Variants in SLIT3 observed in about 807,000 individuals in gnomAD.
SLIT3 encodes slit homolog 3 protein.
A neutral mutation model predicts 184.0 loss-of-function variants in SLIT3; 68 were observed. The ratio of observed to expected loss-of-function variants is 0.37; its 90% CI spans 0.30 to 0.45. SLIT3 has a LOEUF of 0.45. SLIT3 is among the 20% of genes least tolerant of loss of function. The pLI is 1.00. For missense variants in SLIT3, 1,707 were observed against 2,026.0 expected (o/e 0.84, Z 3.02); for synonymous variants, 831 against 828.6 (o/e 1.00, Z -0.05).
At chr5:168,724,306 T>C in intron 21 of SLIT3, 110 bp downstream of exon 21, 2 of 737,136 alleles carry the variant, frequency 2.7e-6, no homozygotes, top group Non-Finnish European at 4.2e-6. Context: ...CATCTTTCAA[T>C]TACCACTTGC....
intron 6 of SLIT3, among the ~76,000 whole-genome samples, chr5:168,824,052 G>A (rs1757622507): frequency 6.6e-6 from 1 of 152,192 alleles, no homozygotes; most frequent in Non-Finnish European, 1.5e-5. Flanking sequence ...GAGTTCAAGC[G>A]ATTCTCCTGC....
At position 168,666,516 on chromosome 5, in the gene SLIT3, C is replaced by T. The variant is rs760876029; in HGVS notation, c.4510G>A (p.Gly1504Ser). The T allele has an allele frequency of 1.2e-5, 20 of 1,610,080 alleles. No individual in the cohort carries two copies. The highest frequency in any genetic ancestry group is 2.0e-4 in the Middle Eastern group (1 of 5,114). Residue 1504 changes from glycine (G) to serine (S), a missense_variant, in exon 36 of 36, where the codon GGC becomes AGC. Transcript: ENST00000519560. Reference protein sequence around the residue: ...RRKYVFQCTDGSSFVEEVERH... With the variant: ...RRKYVFQCTDSSSFVEEVERH... ...TCCACCTCTTCTACAAACGAGGAGC[C>T]GTCCGTGCACTGGAAGACGTATTTC...
At chr5:168,796,951 G>A (rs1756582981) in intron 9 of SLIT3, among the ~76,000 whole-genome samples, 1 of 151,750 alleles carries the variant, frequency 6.6e-6, no homozygotes. Flanking sequence ...AGGCGGGTGA[G>A]AGGAGAGAGG....
intron 5 of SLIT3, among the ~76,000 whole-genome samples, chr5:168,872,400 T>C (rs1270050760): frequency 1.3e-5 from 2 of 152,102 alleles, no homozygotes; most frequent in Non-Finnish European, 2.9e-5. Context: ...CTAGGGACTT[T>C]AGTTAGTAAT....
intron 5 of SLIT3, among the ~76,000 whole-genome samples, chr5:168,856,340 G>T (rs997598061): frequency 6.6e-6 from 1 of 152,130 alleles, no homozygotes; most frequent in Non-Finnish European, 1.5e-5. Flanking sequence ...TGAAAGGTAG[G>T]GAAGCCTAGG....
intron 12 of SLIT3, among the ~76,000 whole-genome samples, chr5:168,779,114 C>G (rs1413440384): frequency 1.3e-5 from 2 of 152,238 alleles, no homozygotes; most frequent in Non-Finnish European, 2.9e-5. Flanking sequence ...CCCATTTAAT[C>G]TCCCTTTGAC....
chr5:168,724,586 T>C, intron 20 of SLIT3, 102 bp from the exon 21 acceptor site: 1 of 756,652 alleles, frequency 1.3e-6, no homozygotes, highest in Admixed American at 2.6e-5. Flanking sequence ...ATTAGGTCCC[T>C]CTTTTACTCT....
At chr5:168,775,779 G>A (rs1395796640) in intron 12 of SLIT3, among the ~76,000 whole-genome samples, 1 of 152,142 alleles carries the variant, frequency 6.6e-6, no homozygotes, top group African/African-American at 2.4e-5. Flanking sequence ...CCATGAGGAA[G>A]CTGTTTTTAG....
intron 35 of SLIT3, chr5:168,667,816 T>C (rs562295910): frequency 1.1e-3 from 171 of 152,284 alleles, no homozygotes; most frequent in African/African-American, 3.9e-3. Flanking sequence ...AATTATGAGA[T>C]TGTTAAAAGG....
At chr5:169,130,429 C>A (rs1761252339) in intron 4 of SLIT3, among the ~76,000 whole-genome samples, 1 of 152,202 alleles carries the variant, frequency 6.6e-6, no homozygotes, top group Non-Finnish European at 1.5e-5. Flanking sequence ...CTCCCTTGTT[C>A]TCTTTGGTGG....
chr5:169,146,135 T>A (rs1325548068), intron 4 of SLIT3, among the ~76,000 whole-genome samples: 1 of 152,214 alleles, frequency 6.6e-6, no homozygotes, highest in Non-Finnish European at 1.5e-5. Flanking sequence ...GAGGAATGTA[T>A]TACGAATATC....
chr5:168,787,321 C>T lies in SLIT3; in HGVS notation c.1080-1343G>A, dbSNP rs563740108. Among the ~76,000 whole-genome samples the T allele has an allele frequency of 4.6e-5, 7 of 152,330 alleles. No individual in the cohort carries two copies. In the South Asian group the frequency reaches 1.5e-3, roughly 32 times the overall value. ...CAAGAGGGGTCCTCACACCACCCGC[C>T]ATGCCTTGGGATAGCAGGCTTCTGA... On this transcript the variant is annotated intron_variant, in intron 11 of 35. Coordinates refer to ENST00000519560, the MANE Select transcript of SLIT3 (RefSeq NM_003062.4).
chr5:168,679,923 G>A (rs1167848581), intron 32 of SLIT3, among the ~76,000 whole-genome samples: 1 of 152,178 alleles, frequency 6.6e-6, no homozygotes, highest in Non-Finnish European at 1.5e-5. Flanking sequence ...CTTGGCAGTG[G>A]ACAGGATTGT....
intron 3 of SLIT3, among the ~76,000 whole-genome samples, chr5:169,230,025 T>C (rs905461650): frequency 2.6e-5 from 4 of 152,206 alleles, no homozygotes; most frequent in African/African-American, 7.2e-5. Context: ...CTGCTCACTG[T>C]ATAAGCATTT....
At chr5:168,946,092 A>T (rs1197256443) in intron 4 of SLIT3, among the ~76,000 whole-genome samples, 1 of 152,216 alleles carries the variant, frequency 6.6e-6, no homozygotes, top group Non-Finnish European at 1.5e-5. Flanking sequence ...GGTAGCAGTG[A>T]GGCTCTGAGA....
intron 1 of SLIT3, among the ~76,000 whole-genome samples, chr5:169,274,541 C>A (rs1766736899): frequency 6.6e-6 from 1 of 152,042 alleles, no homozygotes; most frequent in South Asian, 2.1e-4. Context: ...TGCAAGGGAG[C>A]CGTTCAGTAC....
intron 1 of SLIT3, among the ~76,000 whole-genome samples, chr5:169,295,071 C>T (rs917641904): frequency 6.6e-6 from 1 of 152,198 alleles, no homozygotes; most frequent in Admixed American, 6.5e-5. Context: ...CTGTACACTA[C>T]TGTAGACTTT....
intron 4 of SLIT3, chr5:169,030,389 G>C (rs1055171890): frequency 6.6e-6 from 1 of 152,088 alleles, no homozygotes; most frequent in Admixed American, 6.5e-5. Context: ...TTTACAGATG[G>C]GGGCCACTGA....
chr5:169,145,828 G>A (rs974920871), intron 4 of SLIT3, among the ~76,000 whole-genome samples: 3 of 152,164 alleles, frequency 2.0e-5, no homozygotes, highest in African/African-American at 7.2e-5. Context: ...CGGACAGATT[G>A]CCTGAGGTCA....
Sources: allele counts gnomAD v4.1 joint callset (sites outside exome capture counted in the v4.1 genomes callset), GRCh38; gene constraint gnomAD v4.1.1; transcripts MANE v1.5; gene names NCBI Gene and HGNC (gene_info 2026-07-23, HGNC 2026-07-21).